Variants in TMEM131 observed in about 807,000 individuals in gnomAD.
The protein encoded by TMEM131 is 2610524E03Rik.
In TMEM131, 66 loss-of-function variants were observed where a neutral mutation model predicts 211.6. That is an observed-to-expected ratio of 0.31 (90% CI 0.26 to 0.38). TMEM131 has a LOEUF of 0.38. Ranked by LOEUF, TMEM131 falls within the 10% of genes least tolerant of loss-of-function variation. The pLI, the probability that TMEM131 is intolerant of heterozygous loss-of-function variation, is 1.00. For synonymous variants in TMEM131, 844 were observed against 841.3 expected (o/e 1.00, Z -0.06); for missense variants, 2,036 against 2,299.3 (o/e 0.89, Z 2.34).
At chr2:97,867,387 G>C (rs1305809309) in intron 4 of TMEM131, among the ~76,000 whole-genome samples, 4 of 152,098 alleles carry the variant, frequency 2.6e-5, no homozygotes, top group African/African-American at 7.2e-5. Flanking sequence ...ATATATATAT[G>C]TTTATAATTG....
At chr2:97,812,827 T>A in intron 15 of TMEM131, 78 bp from the exon 16 acceptor site, 1 of 794,220 alleles carries the variant, frequency 1.3e-6, no homozygotes, top group Non-Finnish European at 1.9e-6. Flanking sequence ...GTAACTATAT[T>A]AAAGATGTAT....
Position 97,792,504 on chromosome 2 carries a change from G to C in TMEM131, c.4026C>G (p.Ser1342=), listed in dbSNP as rs770975529. The change falls in exon 31 of 41, where the codon TCC becomes TCG. Residue 1342 remains serine (S), a synonymous_variant. Transcript: ENST00000186436. ...TGAGACTGGTGATGTCCGAGTCCTC[G>C]GAACTGTGCCTCGCGCTGCTGGCAC... ...PERASSARHS[S]EDSDITSLIE... is the part of the protein sequence containing the mutation. 1 of 1,613,560 alleles carries C rather than the reference G, an allele frequency of 6.2e-7. No homozygotes were observed.
At chr2:97,859,187 AG>A (rs1234126940) in intron 5 of TMEM131, 116 bp downstream of exon 5, 1 of 1,115,410 alleles carries the variant, frequency 9.0e-7, no homozygotes, top group African/African-American at 1.6e-5. Flanking sequence ...AAACAAATCT[AG>A]GAACAGATTT....
chr2:97,759,978 A>C, intron 38 of TMEM131: 1 of 489,256 alleles, frequency 2.0e-6, no homozygotes, highest in Non-Finnish European at 3.7e-6. Context: ...GCCAGGTTCA[A>C]AGCAAGTGTT....
Position 97,844,082 on chromosome 2 carries a change from T to C in TMEM131, c.600+63A>G, listed in dbSNP as rs1683318763. The C allele has an allele frequency of 1.8e-5, 8 of 454,072 alleles. No individual in the cohort carries two copies. In the East Asian group the frequency reaches 3.0e-4, roughly 17 times the overall value. 28.1% of individuals were successfully genotyped at this position (454,072 alleles called of 1,614,324 possible). A position where few individuals can be genotyped will look rare whatever the true frequency, so the allele number is the denominator to read the frequency against. On this transcript the variant is annotated intron_variant, in intron 6 of 40. Coordinates refer to ENST00000186436, the MANE Select transcript of TMEM131 (RefSeq NM_015348.2). ...GAGTTCCTGAGTTCTTAAAAGGCTG[T>C]CATATGATAAGGCAGAGGTAATGAT...
chr2:97,976,281 G>T (rs575002701), intron 1 of TMEM131, among the ~76,000 whole-genome samples: 2 of 152,210 alleles, frequency 1.3e-5, no homozygotes, highest in African/African-American at 4.8e-5. Flanking sequence ...TACGTAAAAA[G>T]TCCAATGCAA....
chr2:97,941,150 A>G (rs1677707665), intron 1 of TMEM131, among the ~76,000 whole-genome samples: 1 of 152,258 alleles, frequency 6.6e-6, no homozygotes, highest in Non-Finnish European at 1.5e-5. Flanking sequence ...AACAGAACAG[A>G]GCCCTCAGAA....
chr2:97,992,978 G>A (rs1680329149), intron 1 of TMEM131, among the ~76,000 whole-genome samples: 1 of 152,152 alleles, frequency 6.6e-6, no homozygotes, highest in Non-Finnish European at 1.5e-5. Flanking sequence ...CCATAGCTCA[G>A]TTAAGTCATA....
chr2:97,870,330 G>A (rs1359713724), intron 4 of TMEM131, among the ~76,000 whole-genome samples: 4 of 152,058 alleles, frequency 2.6e-5, no homozygotes, highest in African/African-American at 9.7e-5. Context: ...ATCATAAGCA[G>A]GATATATGAC....
chr2:97,812,476 G>A lies in TMEM131; in HGVS notation c.1808C>T (p.Thr603Ile). The A allele has an allele frequency of 6.2e-7, 1 of 1,613,122 alleles. No individual in the cohort carries two copies. The highest frequency in any genetic ancestry group is 8.5e-7 in the Non-Finnish European group (1 of 1,179,608). The change falls in exon 17 of 41, where the codon ACA becomes ATA. Residue 603 changes from threonine (T) to isoleucine (I), a missense_variant. Physicochemically the swap from Thr to Ile is moderately conservative, Grantham distance 89. Transcript: ENST00000186436. ...AAACTCTGGCAGGCTTGAAATTATT[G>A]TAGTTCTATTGCCTCTTTCCACAGC... ...LVAVERGNRT[T>I]IISSLPEFEK...
chr2:97,801,117 C>G (rs1681016173), intron 25 of TMEM131, among the ~76,000 whole-genome samples: 1 of 152,218 alleles, frequency 6.6e-6, no homozygotes, highest in Non-Finnish European at 1.5e-5. Flanking sequence ...TACAAGGGAT[C>G]TGGTTTGAAA....
rs1681754748 is a variant in TMEM131 at position 97,815,069 on chromosome 2, C to T, written c.1292+130G>A. Reference sequence around the variant, plus strand: ...GAGGTTTTCTCTTTTATAGTTGGGGCTGTTCTTTCAAAAAATAATTCCATC... The same window carrying T: ...GAGGTTTTCTCTTTTATAGTTGGGGTTGTTCTTTCAAAAAATAATTCCATC... On this transcript the variant is annotated intron_variant, in intron 13 of 40. Coordinates refer to ENST00000186436, the MANE Select transcript of TMEM131 (RefSeq NM_015348.2). 4 of 482,822 alleles carry T rather than the reference C, an allele frequency of 8.3e-6. No individual in the cohort carries two copies. In the South Asian group the frequency reaches 2.4e-4, roughly 29 times the overall value. 29.9% of individuals were successfully genotyped at this position (482,822 alleles called of 1,614,324 possible).
At chr2:97,788,814 T>C (rs1680368433) in intron 31 of TMEM131, among the ~76,000 whole-genome samples, 1 of 152,212 alleles carries the variant, frequency 6.6e-6, no homozygotes, top group South Asian at 2.1e-4. Context: ...TCAGCACCAC[T>C]GTCTCAGCTC....
chr2:97,915,348 T>G (rs1270539218), intron 2 of TMEM131, among the ~76,000 whole-genome samples: 1 of 152,176 alleles, frequency 6.6e-6, no homozygotes, highest in African/African-American at 2.4e-5. Context: ...GTGAGACCAG[T>G]CTGGCTCTGT....
rs116641736 is a variant in TMEM131, at chr2:97,773,405, A to C, written c.4321-981T>G. ...CGCCAGCATGGACCTCTGCTGGGGG[A>C]ATGTTACTGGCCACTGCAGCAGCAC... is the stretch of plus-strand genomic sequence containing the variant. On this transcript the variant is annotated intron_variant, in intron 32 of 40. Transcript: ENST00000186436. Among the ~76,000 whole-genome samples, 569 of 152,130 alleles carry C rather than the reference A, an allele frequency of 3.7e-3. 3 individuals carry two copies. The highest frequency in any genetic ancestry group is 0.013 in the African/African-American group (543 of 41,496).
intron 1 of TMEM131, among the ~76,000 whole-genome samples, chr2:97,986,003 T>G (rs900168640): frequency 6.8e-6 from 1 of 147,570 alleles, no homozygotes. Flanking sequence ...AATAAAAAAT[T>G]CAAATGCAAA....
At chr2:97,929,349 T>C (rs556069259) in intron 1 of TMEM131, among the ~76,000 whole-genome samples, 4 of 151,890 alleles carry the variant, frequency 2.6e-5, no homozygotes, top group East Asian at 1.9e-4. Flanking sequence ...TTGCTATAAA[T>C]TGCTGAATAA....
At chr2:97,858,992 T>C (rs139506477) in intron 5 of TMEM131, among the ~76,000 whole-genome samples, 50 of 152,340 alleles carry the variant, frequency 3.3e-4, no homozygotes, top group Admixed American at 3.3e-4. Context: ...TAATTTATTA[T>C]GTAGCAAGAA....
chr2:97,929,334 C>G (rs1677121565), intron 1 of TMEM131, among the ~76,000 whole-genome samples: 1 of 151,578 alleles, frequency 6.6e-6, no homozygotes, highest in Admixed American at 6.6e-5. Flanking sequence ...ATCCATAAAC[C>G]CATATTGCTA....
Sources: allele counts gnomAD v4.1 joint callset (sites outside exome capture counted in the v4.1 genomes callset), GRCh38; gene constraint gnomAD v4.1.1; transcripts MANE v1.5; gene names NCBI Gene and HGNC (gene_info 2026-07-23, HGNC 2026-07-21).